DMD: variants seen among roughly 807,000 people sequenced by gnomAD.
DMD encodes the protein dystrophin, also known as mutant dystrophin.
A neutral mutation model predicts 330.1 loss-of-function variants in DMD; 63 were observed. The ratio of observed to expected loss-of-function variants is 0.19; its 90% CI spans 0.16 to 0.24. The LOEUF (loss-of-function observed/expected upper bound fraction) is 0.24, where lower values mean the gene tolerates loss of function less well. DMD is among the 10% of genes least tolerant of loss of function. DMD has a pLI of 1.00. For missense variants in DMD, 3,344 were observed against 2,684.1 expected, an observed-to-expected ratio of 1.25 and a Z score of -5.43; for synonymous variants, 1,223 against 959.8, an observed-to-expected ratio of 1.27 and a Z score of -5.07.
At chrX:32,842,097 T>C (rs1406530572) in intron 4 of DMD, among the ~76,000 whole-genome samples, 1 of 112,340 alleles carries the variant, frequency 8.9e-6, no homozygotes, top group Non-Finnish European at 1.9e-5. Context: ...ATTTTTCTGG[T>C]TCCCTTGGAG....
intron 7 of DMD, among the ~76,000 whole-genome samples, chrX:32,722,674 T>C (rs183978722): frequency 3.0e-4 from 33 of 111,472 alleles, no homozygotes; most frequent in Admixed American, 1.2e-3. Flanking sequence ...CACTTTCTTC[T>C]TTAAATTGGG....
chrX:32,683,258 A>G (rs980762429), intron 9 of DMD, among the ~76,000 whole-genome samples: 1 of 110,937 alleles, frequency 9.0e-6, no homozygotes, highest in Non-Finnish European at 1.9e-5. Flanking sequence ...ATCTAGAACT[A>G]GAAATACCAC....
At chrX:31,393,433 C>T (rs1305531338) in intron 60 of DMD, among the ~76,000 whole-genome samples, 5 of 101,954 alleles carry the variant, frequency 4.9e-5, no homozygotes, top group African/African-American at 7.2e-5. Flanking sequence ...GCCGAGATTG[C>T]GCCACTGCAC....
chrX:32,637,522 C>A (rs770515896), intron 11 of DMD, among the ~76,000 whole-genome samples: 1 of 111,777 alleles, frequency 8.9e-6, no homozygotes, highest in Non-Finnish European at 1.9e-5. Flanking sequence ...TATAGCAGCA[C>A]CCCACTCTCT....
intron 2 of DMD, among the ~76,000 whole-genome samples, chrX:32,871,213 T>A (rs967941124): frequency 9.0e-6 from 1 of 110,515 alleles, no homozygotes; most frequent in Admixed American, 9.7e-5. Flanking sequence ...CTATTCTTTC[T>A]TCAGTGTCTT....
At chrX:31,614,665 C>T (rs751203062) in intron 55 of DMD, among the ~76,000 whole-genome samples, 11 of 111,849 alleles carry the variant, frequency 9.8e-5, no homozygotes, top group Non-Finnish European at 1.9e-4. Flanking sequence ...CATAACCAGG[C>T]GTAATGACTT....
intron 44 of DMD, among the ~76,000 whole-genome samples, chrX:32,136,514 A>G (rs908266048): frequency 9.0e-6 from 1 of 111,391 alleles, no homozygotes; most frequent in Non-Finnish European, 1.9e-5. Context: ...TAGCAAATCA[A>G]TGCAGATTAC....
intron 9 of DMD, among the ~76,000 whole-genome samples, chrX:32,659,157 A>C (rs1186411012): frequency 1.8e-5 from 2 of 111,911 alleles, no homozygotes; most frequent in Non-Finnish European, 3.8e-5. Context: ...TATTCTACTA[A>C]ATTGACACAT....
At chrX:31,362,419 C>T (rs774518447) in intron 60 of DMD, among the ~76,000 whole-genome samples, 2 of 111,992 alleles carry the variant, frequency 1.8e-5, no homozygotes. Context: ...TATAAAATTT[C>T]CTTCAGGGTA....
chrX:33,167,007 T>C (rs1054329062), intron 1 of DMD, among the ~76,000 whole-genome samples: 2 of 111,293 alleles, frequency 1.8e-5, no homozygotes, highest in East Asian at 5.6e-4. Flanking sequence ...GTACCTACTA[T>C]GGAGCAGATG....
At chrX:32,257,037 C>T (rs1459672387) in intron 43 of DMD, among the ~76,000 whole-genome samples, 1 of 111,282 alleles carries the variant, frequency 9.0e-6, no homozygotes, top group Admixed American at 9.6e-5. Flanking sequence ...AAACAGAGAG[C>T]CAAATCGTGG....
At chrX:31,246,931 G>GAA (rs375712431) in intron 63 of DMD, among the ~76,000 whole-genome samples, 1 of 99,958 alleles carries the variant, frequency 1.0e-5, no homozygotes, top group African/African-American at 3.6e-5. Flanking sequence ...GTCTTGGAAG[G>GAA]AAAAAAAAAA....
At chrX:31,981,528 T>A (rs967480383) in intron 44 of DMD, among the ~76,000 whole-genome samples, 4 of 111,231 alleles carry the variant, frequency 3.6e-5, no homozygotes, top group Non-Finnish European at 7.5e-5. Context: ...GAGCTTGGAA[T>A]GAATTGAGGC....
chrX:32,336,855 A>G (rs1462462042), intron 41 of DMD, among the ~76,000 whole-genome samples: 1 of 112,081 alleles, frequency 8.9e-6, no homozygotes, highest in Non-Finnish European at 1.9e-5. Flanking sequence ...ATAGAAAAGA[A>G]ACCTTTAGGC....
chrX:31,419,989 G>A (rs772979420), intron 60 of DMD, among the ~76,000 whole-genome samples: 7 of 111,646 alleles, frequency 6.3e-5, no homozygotes, highest in African/African-American at 2.3e-4. Flanking sequence ...CATATTTATT[G>A]CCTCTTTCTT....
intron 67 of DMD, among the ~76,000 whole-genome samples, chrX:31,198,639 T>C (rs2043143898): frequency 8.9e-6 from 1 of 112,424 alleles, no homozygotes; most frequent in Non-Finnish European, 1.9e-5. Context: ...GTGAAATAAT[T>C]CTTCGTGCTA....
intron 33 of DMD, among the ~76,000 whole-genome samples, chrX:32,382,781 A>T (rs1023876251): frequency 2.7e-5 from 3 of 110,589 alleles, no homozygotes; most frequent in Non-Finnish European, 3.8e-5. Context: ...AATATTTCAA[A>T]GAAATTCTAT....
chrX:32,310,174 G>C lies in DMD; in HGVS notation c.6025C>G (p.Gln2009Glu). The C allele has an allele frequency of 8.3e-7, 1 of 1,208,792 alleles. No homozygotes were observed. Among genetic ancestry groups the C allele is most frequent in the Non-Finnish European group, 1.1e-6 (1 of 893,175 alleles). ...TYLTEITHVS[Q>E]ALLEVEQLLN... ...AGTTGTTCCACTTCTAATAGGGCTTGTGAGACATGAGTGATTTCAGTCAAA... is the reference window on the plus strand; with the variant it reads ...AGTTGTTCCACTTCTAATAGGGCTTCTGAGACATGAGTGATTTCAGTCAAA... The change falls in exon 42 of 79, where the codon CAA (glutamine) becomes GAA (glutamate). Residue 2009 changes from glutamine (Q) to glutamate (E), a missense_variant. Coordinates refer to ENST00000357033, the MANE Select transcript of DMD (RefSeq NM_004006.3).
rs2032682207 is a variant in DMD at position 31,122,000 on chromosome X, T to C, written c.11047-70A>G. ...GATAGATAGCATCACTCTGTTTCTT[T>C]GCCATTTGGGAAATCATTCCCCATT... On this transcript the variant is annotated intron_variant, in intron 78 of 78. Transcript: ENST00000357033. 4.7e-6 allele frequency: 4 copies of C among 846,489 alleles called. No individual in the cohort carries two copies. In the Admixed American group the frequency reaches 6.7e-5, roughly 14 times the overall value. The allele number at this position is 846,489 out of a possible 1,213,427, so 69.8% of individuals were successfully genotyped here.
Sources: gnomAD v4.1 joint callset for allele counts (sites outside exome capture counted in the v4.1 genomes callset) on GRCh38, gnomAD v4.1.1 for gene constraint, MANE v1.5 for transcripts, NCBI Gene and HGNC (gene_info 2026-07-23, HGNC 2026-07-21) for gene names.